Variants in FRMD6 observed in about 807,000 individuals in gnomAD.
The protein encoded by FRMD6 is FERM domain containing 6, also known as FERM domain-containing protein 6.
In FRMD6, 37 loss-of-function variants were observed where a neutral mutation model predicts 73.2. The observed-to-expected ratio is 0.51, with a 90% CI of 0.39 to 0.66. FRMD6 has a LOEUF of 0.66. Among genes scored for constraint, FRMD6 ranks in the 30% least tolerant of loss-of-function variants. The pLI is 0.00. For missense variants in FRMD6, 714 were observed against 780.5 expected (o/e 0.91, Z 1.02); for synonymous variants, 273 against 282.2 (o/e 0.97, Z 0.33).
At chr14:51,612,400 C>A (rs1396482585) in intron 2 of FRMD6, among the ~76,000 whole-genome samples, 1 of 152,144 alleles carries the variant, frequency 6.6e-6, no homozygotes, top group African/African-American at 2.4e-5. Context: ...TCAGGGAATG[C>A]TGCAAATTGT....
intron 7 of FRMD6, 72 bp downstream of exon 7, chr14:51,708,305 C>T (rs45443404): frequency 2.4e-4 from 328 of 1,349,936 alleles, no homozygotes; most frequent in Middle Eastern, 1.8e-3. Context: ...GAAGGAAAAC[C>T]GAAGGATTTC....
chr14:51,621,002 A>C (rs1890905940), intron 2 of FRMD6, among the ~76,000 whole-genome samples: 1 of 152,218 alleles, frequency 6.6e-6, no homozygotes, highest in South Asian at 2.1e-4. Flanking sequence ...TGCTGATAGA[A>C]TCAACTTTGT....
At chr14:51,631,852 A>G (rs991369164) in intron 2 of FRMD6, among the ~76,000 whole-genome samples, 1 of 152,222 alleles carries the variant, frequency 6.6e-6, no homozygotes, top group Non-Finnish European at 1.5e-5. Flanking sequence ...AAAAGTGACT[A>G]CATGGTGTTT....
At chr14:51,505,533 C>A (rs1207139036) in intron 1 of FRMD6, among the ~76,000 whole-genome samples, 1 of 152,128 alleles carries the variant, frequency 6.6e-6, no homozygotes, top group African/African-American at 2.4e-5. Flanking sequence ...AGGGGAAGAG[C>A]TTTTGGCAAT....
chr14:51,507,693 C>A (rs151200923), intron 1 of FRMD6, among the ~76,000 whole-genome samples: 154 of 152,198 alleles, frequency 1.0e-3, no homozygotes, highest in African/African-American at 3.5e-3. Context: ...AGAGTGCCTG[C>A]TGATTTCCAG....
At chr14:51,651,293 A>G (rs1178095255), upstream of FRMD6, 5 of 152,310 alleles carry the variant, frequency 3.3e-5, no homozygotes, top group Non-Finnish European at 7.3e-5. Flanking sequence ...GAAACCCACG[A>G]GGCGCGGCGT....
chr14:51,431,091 C>T, the FRMD6 span, among the ~76,000 whole-genome samples: 5 of 152,084 alleles, frequency 3.3e-5, no homozygotes, highest in African/African-American at 9.7e-5. Flanking sequence ...TCTATATATA[C>T]CCAGAAGAGT....
At chr14:51,653,630 G>A (rs537685241) in intron 1 of FRMD6, among the ~76,000 whole-genome samples, 66 of 152,238 alleles carry the variant, frequency 4.3e-4, no homozygotes, top group Middle Eastern at 3.4e-3. Flanking sequence ...TGGGGGAGGG[G>A]AGAAGACCAG....
the FRMD6 span, among the ~76,000 whole-genome samples, chr14:51,418,624 A>G: frequency 2.1e-4 from 32 of 152,314 alleles, no homozygotes; most frequent in East Asian, 7.7e-4. Flanking sequence ...GTTAGGCTAC[A>G]CGGGGGTCAC....
intron 2 of FRMD6, among the ~76,000 whole-genome samples, chr14:51,587,905 A>G (rs1219739941): frequency 1.3e-5 from 2 of 151,998 alleles, no homozygotes; most frequent in Admixed American, 1.3e-4. Context: ...TCAATAGAAC[A>G]AGAAAAAGTT....
the FRMD6 span, among the ~76,000 whole-genome samples, chr14:51,431,877 A>G: frequency 6.6e-6 from 1 of 152,208 alleles, no homozygotes; most frequent in Non-Finnish European, 1.5e-5. Context: ...GAGATTGCTC[A>G]TGTGGAAAGA....
At chr14:51,511,788 A>G (rs1884326759) in intron 1 of FRMD6, among the ~76,000 whole-genome samples, 1 of 152,094 alleles carries the variant, frequency 6.6e-6, no homozygotes, top group Non-Finnish European at 1.5e-5. Flanking sequence ...TGATGGGTTG[A>G]TGGGTGCAGC....
intron 1 of FRMD6, among the ~76,000 whole-genome samples, chr14:51,684,083 A>C (rs931052793): frequency 1.3e-5 from 2 of 152,096 alleles, no homozygotes; most frequent in African/African-American, 4.8e-5. Context: ...TGTTCAGTTT[A>C]TCTCTCACCT....
chr14:51,527,070 C>T (rs1885296909), intron 1 of FRMD6, among the ~76,000 whole-genome samples: 1 of 152,272 alleles, frequency 6.6e-6, no homozygotes, highest in African/African-American at 2.4e-5. Context: ...AAAGTACACA[C>T]ATTACTGTGC....
At chr14:51,710,551 A>G (rs995052481) in intron 7 of FRMD6, among the ~76,000 whole-genome samples, 2 of 152,172 alleles carry the variant, frequency 1.3e-5, no homozygotes, top group Non-Finnish European at 2.9e-5. Flanking sequence ...TTCTTGATGT[A>G]AAAATATACT....
intron 2 of FRMD6, among the ~76,000 whole-genome samples, chr14:51,636,157 C>G (rs2140002554): frequency 6.6e-6 from 1 of 152,276 alleles, no homozygotes; most frequent in South Asian, 2.1e-4. Context: ...TGGATCCCCG[C>G]CCCATTACTC....
intron 1 of FRMD6, among the ~76,000 whole-genome samples, chr14:51,660,310 G>GCTTT (rs1343501753): frequency 6.6e-6 from 1 of 152,116 alleles, no homozygotes; most frequent in Non-Finnish European, 1.5e-5. Context: ...GTGAAGTTGA[G>GCTTT]CTTTCGTTTT....
upstream of FRMD6, among the ~76,000 whole-genome samples, chr14:51,487,436 A>C (rs1882792337): frequency 6.6e-6 from 1 of 152,190 alleles, no homozygotes; most frequent in Non-Finnish European, 1.5e-5. Flanking sequence ...TCAGACTCTG[A>C]TTTACATACA....
chr14:51,493,795 C>T (rs1179398023), intron 1 of FRMD6, among the ~76,000 whole-genome samples: 1 of 152,106 alleles, frequency 6.6e-6, no homozygotes, highest in Non-Finnish European at 1.5e-5. Context: ...TTAACTTTTT[C>T]CTTTGGGTTT....
Sources: allele counts gnomAD v4.1 joint callset (sites outside exome capture counted in the v4.1 genomes callset), GRCh38; gene constraint gnomAD v4.1.1; transcripts MANE v1.5; gene names NCBI Gene and HGNC (gene_info 2026-07-23, HGNC 2026-07-21).